The following ZNF577 variants were observed in gnomAD, a reference collection of about 807,000 sequenced individuals.
The protein encoded by ZNF577 is zinc finger protein 577.
Under a neutral mutation model 13.9 loss-of-function variants are expected in ZNF577, and 14 were observed. The ratio of observed to expected loss-of-function variants is 1.00; its 90% CI spans 0.66 to 1.57. The LOEUF (loss-of-function observed/expected upper bound fraction) is 1.57, where lower values mean the gene tolerates loss of function less well. Among genes scored for constraint, ZNF577 ranks in the 40% most tolerant of loss-of-function variants. The pLI is 0.00. For missense variants in ZNF577, 555 were observed against 579.2 expected (o/e 0.96, Z 0.43); for synonymous variants, 203 against 202.9 (o/e 1.00, Z 0.00).
chr19:51,852,476 A>T (rs1209794732), intron 5 of ZNF577, among the ~76,000 whole-genome samples: 1 of 152,256 alleles, frequency 6.6e-6, no homozygotes, highest in African/African-American at 2.4e-5. Flanking sequence ...CCTAAACTGA[A>T]GATGTCTTTT....
intron 9 of ZNF577, among the ~76,000 whole-genome samples, chr19:51,834,035 T>C (rs2084275480): frequency 1.3e-5 from 2 of 149,622 alleles, no homozygotes; most frequent in Admixed American, 6.8e-5. Context: ...TCCTCTCCTC[T>C]AGCTTTTCAA....
exon 10 of ZNF577, chr19:51,811,626 T>C (rs62108951): frequency 0.12 from 17,967 of 152,228 alleles, 1,314 homozygotes; most frequent in South Asian, 0.28. Context: ...CCCCTGATTC[T>C]GTCGCTGTTC....
intron 9 of ZNF577, among the ~76,000 whole-genome samples, chr19:51,817,260 C>T (rs1481739313): frequency 6.6e-6 from 1 of 152,152 alleles, no homozygotes; most frequent in Admixed American, 6.5e-5. Flanking sequence ...AATCACAGGA[C>T]ACCATTGGTT....
rs2084688355 is a variant in ZNF577, at chr19:51,873,030, A to T, written c.960T>A (p.His320Gln). Residue 320 changes from histidine to glutamine, a missense_variant, in exon 6 of 6, where the codon CAT becomes CAA. Transcript: ENST00000638348. ...TACATTCATAAGGTTTCTCTCCCGT[A>T]TGAATCCTCTGATGTCTGGTCAGGT... ...KSDLTRHQRI[H>Q]TGEKPYECSE... The T allele has an allele frequency of 6.2e-7, 1 of 1,614,182 alleles. No homozygotes were observed. Among genetic ancestry groups the T allele is most frequent in the Non-Finnish European group, 8.5e-7 (1 of 1,180,034 alleles).
At chr19:51,863,434 T>C (rs1308244376), downstream of ZNF577, among the ~76,000 whole-genome samples, 1 of 152,194 alleles carries the variant, frequency 6.6e-6, no homozygotes, top group Non-Finnish European at 1.5e-5. Flanking sequence ...TAAATAATAA[T>C]ACTATATCAA....
chr19:51,847,455 T>C (rs1374701979), intron 5 of ZNF577, among the ~76,000 whole-genome samples: 1 of 151,860 alleles, frequency 6.6e-6, no homozygotes, highest in East Asian at 1.9e-4. Flanking sequence ...ACCCTCCAAA[T>C]ACTCAAACTT....
chr19:51,878,363 G>A (rs17778649), intron 4 of ZNF577, 26 bp downstream of exon 4: 223,744 of 1,608,626 alleles, frequency 0.14, 20,168 homozygotes, highest in South Asian at 0.37. Flanking sequence ...GAAAGAAAAG[G>A]TAAGTGACGG....
intron 9 of ZNF577, among the ~76,000 whole-genome samples, chr19:51,817,514 T>C (rs1385514515): frequency 7.8e-6 from 1 of 128,204 alleles, no homozygotes; most frequent in Non-Finnish European, 1.8e-5. Context: ...TCAATCTGTT[T>C]TGTTTTTTTT....
chr19:51,878,653 G>A, intron 3 of ZNF577, 138 bp from the exon 4 acceptor site: 1 of 1,069,426 alleles, frequency 9.4e-7, no homozygotes, highest in Non-Finnish European at 1.3e-6. Context: ...AAGGACCATG[G>A]AATTCCACCA....
intron 9 of ZNF577, among the ~76,000 whole-genome samples, chr19:51,839,052 G>A (rs1283627500): frequency 2.0e-5 from 3 of 152,162 alleles, no homozygotes; most frequent in Non-Finnish European, 4.4e-5. Context: ...CACTTTGCTA[G>A]CATTTCAGGC....
At chr19:51,856,121 G>A (rs1194000409) in intron 5 of ZNF577, among the ~76,000 whole-genome samples, 1 of 152,190 alleles carries the variant, frequency 6.6e-6, no homozygotes, top group Non-Finnish European at 1.5e-5. Context: ...TGATGTTTAT[G>A]TTGTTTTAAT....
chr19:51,858,871 T>C (rs1463228856), intron 5 of ZNF577, among the ~76,000 whole-genome samples: 2 of 152,210 alleles, frequency 1.3e-5, no homozygotes, highest in Non-Finnish European at 2.9e-5. Context: ...TTAACAATTT[T>C]AGAGTGTACA....
At chr19:51,873,983 A>G (rs56705839) in intron 5 of ZNF577, among the ~76,000 whole-genome samples, 20,354 of 152,132 alleles carry the variant, frequency 0.13, 1,521 homozygotes, top group East Asian at 0.25. Context: ...TGGCTTTTAT[A>G]AGATCTCAGT....
intron 5 of ZNF577, among the ~76,000 whole-genome samples, chr19:51,849,675 C>T (rs1002704283): frequency 1.3e-5 from 2 of 152,202 alleles, no homozygotes; most frequent in Non-Finnish European, 2.9e-5. Context: ...TACTGGAACC[C>T]TCATACACTG....
intron 5 of ZNF577, among the ~76,000 whole-genome samples, chr19:51,848,455 A>G (rs2084365155): frequency 6.6e-6 from 1 of 152,236 alleles, no homozygotes; most frequent in African/African-American, 2.4e-5. Context: ...CTGAAGCATT[A>G]TTCACAATAC....
At chr19:51,854,647 T>C (rs906061942) in intron 5 of ZNF577, among the ~76,000 whole-genome samples, 1 of 152,062 alleles carries the variant, frequency 6.6e-6, no homozygotes, top group African/African-American at 2.4e-5. Flanking sequence ...TTGGAATTTA[T>C]TGACCTTCTC....
intron 8 of ZNF577, among the ~76,000 whole-genome samples, chr19:51,841,351 T>C (rs1400593741): frequency 6.6e-6 from 1 of 152,180 alleles, no homozygotes; most frequent in Non-Finnish European, 1.5e-5. Context: ...CATGTCTTTC[T>C]TTAACCCTTG....
At chr19:51,811,791 G>C (rs564841013) in intron 9 of ZNF577, 2 of 134,878 alleles carry the variant, frequency 1.5e-5, no homozygotes, top group African/African-American at 5.8e-5. Flanking sequence ...ACCAGGAGGC[G>C]ACTCGCCCTC....
intron 1 of ZNF577, among the ~76,000 whole-genome samples, chr19:51,882,497 T>C (rs1272223382): frequency 6.9e-6 from 1 of 145,530 alleles, no homozygotes; most frequent in Non-Finnish European, 1.5e-5. Context: ...AAAAAAAAAC[T>C]AGGGTCTGCT....
Sources: allele counts gnomAD v4.1 joint callset (sites outside exome capture counted in the v4.1 genomes callset), GRCh38; gene constraint gnomAD v4.1.1; transcripts MANE v1.5; gene names NCBI Gene and HGNC (gene_info 2026-07-23, HGNC 2026-07-21).